Variants in NREP observed in about 807,000 individuals in gnomAD.
NREP encodes neuronal regeneration-related protein.
A neutral mutation model predicts 8.6 loss-of-function variants in NREP; 5 were observed. The ratio of observed to expected loss-of-function variants is 0.58; its 90% confidence interval spans 0.30 to 1.22. The LOEUF (loss-of-function observed/expected upper bound fraction) is 1.22. Ranked by LOEUF, NREP falls within the 50% of genes most tolerant of loss-of-function variation. The pLI, the probability that NREP is intolerant of heterozygous loss-of-function variation, is 0.07. For missense variants in NREP, 86 were observed against 82.5 expected (o/e 1.04, Z -0.17); for synonymous variants, 27 against 28.0 (o/e 0.96, Z 0.11).
chr5:111,962,877 C>G (rs891996191), intron 2 of NREP, among the ~76,000 whole-genome samples: 6 of 152,192 alleles, frequency 3.9e-5, no homozygotes, highest in African/African-American at 1.4e-4. Context: ...CATCCCTTCT[C>G]TAGCTCCCCT....
At chr5:111,861,199 G>T (rs112770176) in intron 2 of NREP, among the ~76,000 whole-genome samples, 7 of 152,280 alleles carry the variant, frequency 4.6e-5, no homozygotes, top group Admixed American at 1.3e-4. Flanking sequence ...TAGAGCACCT[G>T]CCATGAGGTG....
chr5:111,851,502 AGACT>A (rs1435973976), intron 2 of NREP, among the ~76,000 whole-genome samples: 2 of 152,188 alleles, frequency 1.3e-5, no homozygotes, highest in African/African-American at 4.8e-5. Context: ...AGAGAGAGAC[AGACT>A]GACCACCTTT....
intron 2 of NREP, among the ~76,000 whole-genome samples, chr5:111,854,952 G>C (rs182718727): frequency 3.9e-5 from 6 of 152,110 alleles, no homozygotes; most frequent in African/African-American, 1.4e-4. Context: ...CTATTCCATA[G>C]TATGAATAAA....
rs17133892 is a variant in NREP, at chr5:111,914,817, G to T, written c.135+60457C>A. Among the ~76,000 whole-genome samples the T allele has an allele frequency of 0.018, 2,764 of 152,168 alleles. 165 individuals carry two copies. The East Asian group carries it at 0.23, about 12-fold the overall frequency. On this transcript the variant is annotated intron_variant, in intron 2 of 3. Coordinates refer to the NREP transcript ENST00000395634. ...AATACACTTTTAAGGTTGAACGTTTGTCTTAGGTTGTTAGAAAAGCTTAAA... is the reference window on the plus strand; with the variant it reads ...AATACACTTTTAAGGTTGAACGTTTTTCTTAGGTTGTTAGAAAAGCTTAAA...
chr5:111,838,420 C>T (rs1752947361), intron 2 of NREP, among the ~76,000 whole-genome samples: 1 of 152,050 alleles, frequency 6.6e-6, no homozygotes. Flanking sequence ...CCTTATTCAA[C>T]CAAACACTAA....
intron 2 of NREP, among the ~76,000 whole-genome samples, chr5:111,879,026 G>GT (rs1228146323): frequency 6.6e-6 from 1 of 152,216 alleles, no homozygotes; most frequent in Admixed American, 6.5e-5. Flanking sequence ...AATGGAAGAT[G>GT]TTTGGATCAT....
At chr5:111,796,193 C>T (rs1751869608) in intron 2 of NREP, among the ~76,000 whole-genome samples, 1 of 152,148 alleles carries the variant, frequency 6.6e-6, no homozygotes, top group South Asian at 2.1e-4. Flanking sequence ...AGTACAGTAG[C>T]TTCAAATTTC....
chr5:111,961,151 A>T (rs544579121), intron 2 of NREP, among the ~76,000 whole-genome samples: 28 of 152,314 alleles, frequency 1.8e-4, no homozygotes, highest in African/African-American at 6.7e-4. Flanking sequence ...TCAAGGCCAC[A>T]TAAGTAGTTA....
chr5:111,897,154 C>G (rs1043727845), intron 2 of NREP, among the ~76,000 whole-genome samples: 2 of 152,016 alleles, frequency 1.3e-5, no homozygotes, highest in Non-Finnish European at 2.9e-5. Flanking sequence ...CATAATGATA[C>G]ATTTTTATTT....
chr5:111,797,192 C>G (rs1751893222), intron 2 of NREP, among the ~76,000 whole-genome samples: 1 of 152,162 alleles, frequency 6.6e-6, no homozygotes, highest in South Asian at 2.1e-4. Context: ...ATCAATTTAT[C>G]CATTCAATAA....
rs138880884 is a variant in NREP at position 111,849,127 on chromosome 5, C to G, written c.136-113620G>C. ...TTGGATAAGTGGTACATGTGACAAG[C>G]AGGGAGCTTCTGGAACACACAGATA... On this transcript the variant is annotated intron_variant, in intron 2 of 3. Transcript: ENST00000395634. Among the ~76,000 whole-genome samples, 20 of 152,238 alleles carry G rather than the reference C, an allele frequency of 1.3e-4. No individual in the cohort carries two copies. The East Asian group carries it at 3.7e-3, about 28-fold the overall frequency.
intron 2 of NREP, among the ~76,000 whole-genome samples, chr5:111,800,425 G>T (rs1372741459): frequency 6.6e-6 from 1 of 152,210 alleles, no homozygotes; most frequent in African/African-American, 2.4e-5. Context: ...GCACAGAAGG[G>T]TCCTGTGCTT....
intron 2 of NREP, among the ~76,000 whole-genome samples, chr5:111,921,005 C>G (rs1308728673): frequency 6.6e-6 from 1 of 152,114 alleles, no homozygotes; most frequent in African/African-American, 2.4e-5. Flanking sequence ...GTGTTTGCAG[C>G]CTGATCTCTT....
At chr5:111,752,220 C>G (rs1026094719) in intron 2 of NREP, among the ~76,000 whole-genome samples, 1 of 152,172 alleles carries the variant, frequency 6.6e-6, no homozygotes, top group Admixed American at 6.5e-5. Context: ...ATACTCGGAA[C>G]AGCTGTTTAT....
At chr5:111,756,288 T>C in intron 1 of NREP, 1 of 789,350 alleles carries the variant, frequency 1.3e-6, no homozygotes. Flanking sequence ...TACATAACCT[T>C]CCGTGTTTAA....
At chr5:111,852,520 T>C (rs1035537469) in intron 2 of NREP, among the ~76,000 whole-genome samples, 3 of 152,170 alleles carry the variant, frequency 2.0e-5, no homozygotes, top group Non-Finnish European at 4.4e-5. Flanking sequence ...ATATTCTTCT[T>C]GTCAAATGAA....
At chr5:111,895,996 T>A (rs1754501260) in intron 2 of NREP, among the ~76,000 whole-genome samples, 1 of 152,188 alleles carries the variant, frequency 6.6e-6, no homozygotes, top group Admixed American at 6.5e-5. Flanking sequence ...TAGCTCATGG[T>A]AAAGAGTTTG....
At position 111,971,500 on chromosome 5, in the gene NREP, A is replaced by G. The variant is rs146036510; in HGVS notation, c.135+3774T>C. On this transcript the variant is annotated intron_variant, in intron 2 of 3. Transcript: ENST00000395634. ...CTACAAAGCTAGAGTAAACAAATTC[A>G]GTATGGTTCTGGCATAAAAACAGAC... Among the ~76,000 whole-genome samples, 910 of 152,360 alleles carry G rather than the reference A, an allele frequency of 6.0e-3. 9 individuals carry two copies. Among genetic ancestry groups the G allele is most frequent in the African/African-American group, 0.021 (872 of 41,582 alleles).
chr5:111,890,154 C>T (rs1021341545), intron 2 of NREP, among the ~76,000 whole-genome samples: 1 of 152,134 alleles, frequency 6.6e-6, no homozygotes, highest in Non-Finnish European at 1.5e-5. Context: ...AGAAATCAGC[C>T]AAAAGTAAGG....
Sources: allele counts gnomAD v4.1 joint callset (sites outside exome capture counted in the v4.1 genomes callset), GRCh38; gene constraint gnomAD v4.1.1; transcripts MANE v1.5; gene names NCBI Gene and HGNC (gene_info 2026-07-23, HGNC 2026-07-21).